Variants in NEB observed in about 807,000 individuals in gnomAD.
The protein encoded by NEB is nemaline myopathy type 2.
In NEB, 512 loss-of-function variants were observed where a neutral mutation model predicts 952.2. That is an observed-to-expected ratio of 0.54 (90% CI 0.50 to 0.58). The LOEUF (loss-of-function observed/expected upper bound fraction) is 0.58. NEB is among the 20% of genes least tolerant of loss of function. NEB has a pLI of 0.00. For missense variants in NEB, 8,428 were observed against 9,231.1 expected (o/e 0.91, Z 3.56); for synonymous variants, 2,900 against 3,149.8 (o/e 0.92, Z 2.66).
chr2:151,648,818 C>A (rs2098995665), intron 54 of NEB, among the ~76,000 whole-genome samples: 1 of 152,216 alleles, frequency 6.6e-6, no homozygotes, highest in Admixed American at 6.5e-5. Context: ...GCCACTTTCA[C>A]CCCATGGAAT....
chr2:151,640,549 C>T lies in NEB; in HGVS notation c.8491G>A (p.Glu2831Lys), dbSNP rs2098833781. ...CACTTCTCAAAGTCCTTCTTGTACTCCCTGTCACTCTGGATCTTGGCCACG... is the reference window on the plus strand; with the variant it reads ...CACTTCTCAAAGTCCTTCTTGTACTTCCTGTCACTCTGGATCTTGGCCACG... The part of the protein sequence containing the change: ...MHVAKIQSDR[E>K]YKKDFEKWKT... The change falls in exon 61 of 182, where the codon GAG (glutamate) becomes AAG (lysine). Residue 2831 changes from glutamate to lysine, a missense_variant. Physicochemically the swap from Glu to Lys is moderately conservative, Grantham distance 56. Transcript: ENST00000397345. The T allele has an allele frequency of 1.9e-6, 3 of 1,613,932 alleles. No individual in the cohort carries two copies. The highest frequency in any genetic ancestry group is 2.5e-6 in the Non-Finnish European group (3 of 1,179,852).
intron 80 of NEB, 99 bp from the exon 81 acceptor site, chr2:151,610,219 C>T (rs1191179641): frequency 5.9e-6 from 6 of 1,023,264 alleles, no homozygotes; most frequent in Non-Finnish European, 8.4e-6. Flanking sequence ...TTTTATATTA[C>T]AAACATTTTG....
intron 144 of NEB, among the ~76,000 whole-genome samples, chr2:151,531,430 C>T (rs1454104668): frequency 6.6e-6 from 1 of 150,570 alleles, no homozygotes; most frequent in Non-Finnish European, 1.5e-5. Flanking sequence ...AATTGTCACG[C>T]CTCAGCCTCC....
intron 10 of NEB, among the ~76,000 whole-genome samples, chr2:151,714,980 A>G (rs750863417): frequency 2.6e-5 from 4 of 152,244 alleles, no homozygotes; most frequent in Admixed American, 1.3e-4. Flanking sequence ...TGGATGCACA[A>G]TAGTCATTAA....
chr2:151,693,051 T>C (rs1353585567), intron 20 of NEB, among the ~76,000 whole-genome samples: 2 of 152,172 alleles, frequency 1.3e-5, no homozygotes, highest in Non-Finnish European at 2.9e-5. Context: ...CTTAGATAAT[T>C]AAGCACAGTC....
At chr2:151,512,294 A>G (rs2075116845) in intron 161 of NEB, among the ~76,000 whole-genome samples, 1 of 151,826 alleles carries the variant, frequency 6.6e-6, no homozygotes, top group African/African-American at 2.4e-5. Flanking sequence ...TCGGCCTCCC[A>G]AAGTGCTGGG....
At chr2:151,575,881 T>C in intron 106 of NEB, 82 bp from the exon 107 acceptor site, 1 of 1,040,172 alleles carries the variant, frequency 9.6e-7, no homozygotes. Flanking sequence ...AAATTTTCTT[T>C]TGGATTTGAT....
In NEB at chr2:151,692,593, T is replaced by G. The variant is rs2099566625; in HGVS notation, c.1897-231A>C. 5.4e-6 allele frequency: 3 copies of G among 555,522 alleles called. No homozygotes were observed. The African/African-American group carries it at 5.7e-5, about 11-fold the overall frequency. 34.4% of individuals were successfully genotyped at this position (555,522 alleles called of 1,614,324 possible). ...TTTATGTTACTTTTCCTAATATTTT[T>G]TCAGACTGAAAAACGCACACCAATG... is the stretch of plus-strand genomic sequence containing the variant. On this transcript the variant is annotated intron_variant, in intron 20 of 181. Coordinates refer to ENST00000397345, the MANE Select transcript of NEB (RefSeq NM_001164508.2).
Position 151,551,800 on chromosome 2 carries a change from C to T in NEB, c.19882G>A (p.Ala6628Thr), listed in dbSNP as rs1449606198. Residue 6628 changes from alanine (A) to threonine (T), a missense_variant, in exon 129 of 182, where the codon GCT (alanine) becomes ACT (threonine). By Grantham distance (58) the Ala-to-Thr change is moderately conservative. Around this residue, in one of 11 missense-constraint regions of NEB, gnomAD observed 3,374 missense variants for 3,651.5 expected, o/e 0.92. Coordinates refer to ENST00000397345, the MANE Select transcript of NEB (RefSeq NM_001164508.2). The stretch of plus-strand genomic sequence containing the variant: ...AGATCCACGGTTTTGGTAGTTGGAG[C>T]CACTTTGCCTCTGACACTGTGCACA... ...DYVHSVRGKV[A>T]PTTKTVDLDR... is the part of the protein sequence containing the mutation. 3 of 1,613,166 alleles carry T rather than the reference C, an allele frequency of 1.9e-6. No homozygotes were observed. Among genetic ancestry groups the T allele is most frequent in the Middle Eastern group, 1.6e-4 (1 of 6,078 alleles).
chr2:151,640,555 C>T lies in NEB; in HGVS notation c.8485G>A (p.Asp2829Asn), dbSNP rs560231650. The T allele has an allele frequency of 3.6e-5, 58 of 1,613,926 alleles. No homozygotes were observed. The South Asian group carries it at 4.7e-4, about 13-fold the overall frequency. The change falls in exon 61 of 182, where the codon GAC (aspartate) becomes AAC (asparagine). Residue 2829 changes from aspartate (D) to asparagine (N), a missense_variant. By Grantham distance (23) the Asp-to-Asn change is conservative. Coordinates refer to ENST00000397345, the MANE Select transcript of NEB (RefSeq NM_001164508.2). ...TCAAAGTCCTTCTTGTACTCCCTGT[C>T]ACTCTGGATCTTGGCCACGTGCATG... is the stretch of plus-strand genomic sequence containing the variant. ...WSMHVAKIQSDREYKKDFEKW... is the reference protein window; with the variant it reads ...WSMHVAKIQSNREYKKDFEKW...
At position 151,675,297 on chromosome 2, in the gene NEB, T is replaced by C. The variant is rs2099350999; in HGVS notation, c.3869A>G (p.Asn1290Ser). Residue 1290 changes from asparagine to serine, a missense_variant, in exon 35 of 182, where the codon AAT becomes AGT. Transcript: ENST00000397345. ...AAAGACCCTACTTACGTCACTTATA[T>C]TGTAAGCATTGCACTTGGCCTGGAG... Reference protein sequence around the residue: ...QFLQAKCNAYNISDVCYKRDW... With the variant: ...QFLQAKCNAYSISDVCYKRDW... The C allele has an allele frequency of 1.9e-6, 3 of 1,578,726 alleles. No homozygotes were observed. The highest frequency in any genetic ancestry group is 1.3e-5 in the African/African-American group (1 of 74,478).
chr2:151,728,155 G>T (rs1377441152), intron 4 of NEB, among the ~76,000 whole-genome samples: 1 of 152,138 alleles, frequency 6.6e-6, no homozygotes, highest in Admixed American at 6.6e-5. Context: ...TTGCAACATT[G>T]CCTTAAGTTT....
intron 10 of NEB, among the ~76,000 whole-genome samples, chr2:151,711,748 G>A (rs957187362): frequency 3.3e-5 from 5 of 152,136 alleles, no homozygotes; most frequent in Non-Finnish European, 5.9e-5. Context: ...GCTAAAGAGT[G>A]CTTTGTAAAC....
intron 4 of NEB, among the ~76,000 whole-genome samples, chr2:151,728,694 G>A (rs1289032707): frequency 6.6e-6 from 1 of 152,072 alleles, no homozygotes; most frequent in Non-Finnish European, 1.5e-5. Flanking sequence ...AATAATGCAT[G>A]TAAGAAAAAA....
In NEB at chr2:151,660,731, C is replaced by G. The variant is rs141892461; in HGVS notation, c.5970+1404G>C. 1.6e-3 allele frequency among the ~76,000 whole-genome samples: 238 copies of G among 152,282 alleles called. 2 individuals are homozygous for G. Among genetic ancestry groups the G allele is most frequent in the African/African-American group, 5.6e-3 (232 of 41,556 alleles). On this transcript the variant is annotated intron_variant, in intron 46 of 181. Coordinates refer to ENST00000397345, the MANE Select transcript of NEB (RefSeq NM_001164508.2). ...AGTCCAAAAGCAGCCAGAGACCACA[C>G]GCCAACAAACAGCTGTGGTTGTGTC...
At chr2:151,704,815 G>C (rs142095168) in intron 13 of NEB, among the ~76,000 whole-genome samples, 1 of 152,280 alleles carries the variant, frequency 6.6e-6, no homozygotes, top group East Asian at 1.9e-4. Context: ...GAAATCACCC[G>C]TCTTCTGCGT....
intron 164 of NEB, 146 bp downstream of exon 164, chr2:151,506,020 G>A: frequency 2.7e-6 from 2 of 737,508 alleles, no homozygotes; most frequent in Non-Finnish European, 4.9e-6. Context: ...GATGACTCTA[G>A]CCACTGTGTG....
chr2:151,659,014 T>C, intron 47 of NEB, 51 bp downstream of exon 47: 3 of 1,243,452 alleles, frequency 2.4e-6, no homozygotes, highest in African/African-American at 1.5e-5. Flanking sequence ...TTGTTCTTAC[T>C]GGTTCAAATC....
chr2:151,671,513 T>C (rs2099291423), intron 37 of NEB: 1 of 360,118 alleles, frequency 2.8e-6, no homozygotes, highest in Admixed American at 4.1e-5. Flanking sequence ...TCTATAATGG[T>C]TGTTTATCTT....
Sources: gnomAD v4.1 joint callset for allele counts (sites outside exome capture counted in the v4.1 genomes callset) on GRCh38, gnomAD v4.1.1 for gene constraint, gnomAD v4.1.1 regional missense constraint, MANE v1.5 for transcripts, NCBI Gene and HGNC (gene_info 2026-07-23, HGNC 2026-07-21) for gene names.